Variants in SPATA17 observed in about 807,000 individuals in gnomAD.
SPATA17 encodes the protein spermatogenesis-associated protein 17.
A neutral mutation model predicts 62.2 loss-of-function variants in SPATA17; 53 were observed. The ratio of observed to expected loss-of-function variants is 0.85; its 90% confidence interval spans 0.68 to 1.07. SPATA17 has a LOEUF of 1.07. Among genes scored for constraint, SPATA17 ranks in the 50% least tolerant of loss-of-function variants. The probability of loss-of-function intolerance (pLI) is 0.00; values close to 1 mark genes in which losing one functional copy is unlikely to be tolerated. For missense variants in SPATA17, 466 were observed against 425.5 expected, an observed-to-expected ratio of 1.10 and a Z score of -0.84; for synonymous variants, 146 against 146.8, an observed-to-expected ratio of 0.99 and a Z score of 0.04.
chr1:217,680,432 T>C (rs986208354), intron 4 of SPATA17, among the ~76,000 whole-genome samples: 6 of 152,208 alleles, frequency 3.9e-5, no homozygotes, highest in Non-Finnish European at 7.3e-5. Flanking sequence ...GGAAAGTGGT[T>C]CTATCAATTC....
intron 3 of SPATA17, among the ~76,000 whole-genome samples, chr1:217,662,524 C>G (rs1670593077): frequency 6.6e-6 from 1 of 151,984 alleles, no homozygotes; most frequent in South Asian, 2.1e-4. Context: ...TCAAGGTTCC[C>G]AGTATTCATA....
chr1:217,799,818 A>C (rs968968160), intron 8 of SPATA17, among the ~76,000 whole-genome samples: 1 of 152,046 alleles, frequency 6.6e-6, no homozygotes, highest in Non-Finnish European at 1.5e-5. Context: ...TCTGTGTGAA[A>C]ATTTTGGCAT....
intron 9 of SPATA17, among the ~76,000 whole-genome samples, chr1:217,858,567 T>C (rs533370482): frequency 2.6e-5 from 4 of 152,318 alleles, no homozygotes; most frequent in Admixed American, 2.0e-4. Flanking sequence ...AACCATCTTT[T>C]CCTTTTTGGA....
intron 6 of SPATA17, among the ~76,000 whole-genome samples, chr1:217,755,675 G>A (rs1006157108): frequency 1.3e-5 from 2 of 151,630 alleles, no homozygotes; most frequent in African/African-American, 4.8e-5. Flanking sequence ...TATAATTTCT[G>A]TTTTAACATC....
intron 4 of SPATA17, among the ~76,000 whole-genome samples, chr1:217,670,743 G>C (rs774086724): frequency 6.6e-6 from 1 of 152,052 alleles, no homozygotes; most frequent in Admixed American, 6.6e-5. Flanking sequence ...CTGACGTCAG[G>C]AGTTCGAGGC....
intron 9 of SPATA17, among the ~76,000 whole-genome samples, chr1:217,821,945 T>G (rs1674874365): frequency 6.6e-6 from 1 of 152,072 alleles, no homozygotes; most frequent in Admixed American, 6.6e-5. Context: ...TTTGTGATTT[T>G]GGCAATGTAT....
intron 4 of SPATA17, among the ~76,000 whole-genome samples, chr1:217,681,913 A>T (rs939191061): frequency 7.9e-5 from 12 of 151,992 alleles, no homozygotes; most frequent in African/African-American, 2.9e-4. Context: ...CTTAGTCTCC[A>T]TATTTCCCTT....
chr1:217,808,094 G>C (rs755661846), intron 9 of SPATA17, among the ~76,000 whole-genome samples: 1 of 152,098 alleles, frequency 6.6e-6, no homozygotes, highest in South Asian at 2.1e-4. Flanking sequence ...ACAAAACAAA[G>C]AATAGAGTAT....
chr1:217,861,039 T>A (rs1351961114), intron 9 of SPATA17, among the ~76,000 whole-genome samples: 5 of 152,136 alleles, frequency 3.3e-5, no homozygotes, highest in Non-Finnish European at 7.4e-5. Flanking sequence ...CCCAGTCCAC[T>A]TTCAAATAAC....
chr1:217,802,974 G>T (rs577936789), intron 9 of SPATA17, among the ~76,000 whole-genome samples: 2 of 152,028 alleles, frequency 1.3e-5, no homozygotes, highest in African/African-American at 4.8e-5. Flanking sequence ...GTGCAATGGC[G>T]CAATCTTGGC....
intron 9 of SPATA17, among the ~76,000 whole-genome samples, chr1:217,821,844 G>A (rs1206940258): frequency 3.3e-5 from 5 of 151,990 alleles, no homozygotes; most frequent in African/African-American, 7.2e-5. Context: ...TGCAAGGGGC[G>A]CAAACTCTGC....
intron 3 of SPATA17, 39 bp from the exon 4 acceptor site, chr1:217,668,993 GT>G (rs761426097): frequency 6.4e-7 from 1 of 1,565,332 alleles, no homozygotes; most frequent in Admixed American, 1.7e-5. Context: ...CTGTCTTTGT[GT>G]AACTGAAATG....
intron 9 of SPATA17, among the ~76,000 whole-genome samples, chr1:217,817,230 G>A (rs968716945): frequency 2.3e-4 from 35 of 152,056 alleles, no homozygotes; most frequent in East Asian, 3.9e-4. Flanking sequence ...CTATGTCTCC[G>A]CCCAAATCGC....
Position 217,683,342 on chromosome 1 carries a change from G to A in SPATA17, c.376G>A (p.Glu126Lys), listed in dbSNP as rs1340796176. The A allele has an allele frequency of 1.9e-6, 3 of 1,608,114 alleles. No individual in the cohort carries two copies. In the Admixed American group the frequency reaches 5.0e-5, roughly 27 times the overall value. ...YLKEYLKVVS[E>K]TNDAIRKALE... ...GAAAGAGTACCTGAAAGTCGTTTCA[G>A]AGACCAATGATGCAATTAGGTAAGT... Residue 126 changes from glutamate (E) to lysine (K), a missense_variant, in exon 5 of 11, where the codon GAG becomes AAG. Transcript: ENST00000366933.
At chr1:217,855,874 G>A (rs139633660) in intron 9 of SPATA17, among the ~76,000 whole-genome samples, 182 of 151,664 alleles carry the variant, frequency 1.2e-3, no homozygotes, top group African/African-American at 4.1e-3. Context: ...CTACAGGTGC[G>A]TGCCACCAAG....
chr1:217,774,181 C>G (rs1386911535), intron 6 of SPATA17, among the ~76,000 whole-genome samples, 153 bp from the exon 7 acceptor site: 5 of 152,148 alleles, frequency 3.3e-5, no homozygotes, highest in African/African-American at 1.2e-4. Context: ...TGTAAAATCT[C>G]TTTAGGTAAA....
At chr1:217,810,893 C>A (rs1674569599) in intron 9 of SPATA17, among the ~76,000 whole-genome samples, 1 of 151,952 alleles carries the variant, frequency 6.6e-6, no homozygotes, top group African/African-American at 2.4e-5. Context: ...GGGAAACCAC[C>A]CCTATAATCC....
chr1:217,684,545 GCT>G (rs1213807292), intron 5 of SPATA17, among the ~76,000 whole-genome samples: 3 of 151,978 alleles, frequency 2.0e-5, no homozygotes, highest in Non-Finnish European at 4.4e-5. Context: ...CTCTCGAGTA[GCT>G]GGGATTACAG....
chr1:217,689,688 C>G (rs1671302490), intron 5 of SPATA17, among the ~76,000 whole-genome samples: 1 of 152,084 alleles, frequency 6.6e-6, no homozygotes, highest in South Asian at 2.1e-4. Context: ...GTGCACCTTC[C>G]CTTTCAATAT....
Sources: gnomAD v4.1 joint callset for allele counts (sites outside exome capture counted in the v4.1 genomes callset) on GRCh38, gnomAD v4.1.1 for gene constraint, MANE v1.5 for transcripts, NCBI Gene and HGNC (gene_info 2026-07-23, HGNC 2026-07-21) for gene names.